The following CSPG4 variants were observed in gnomAD, a reference collection of about 807,000 sequenced individuals.
The protein encoded by CSPG4 is chondroitin sulfate proteoglycan 4 (melanoma-associated).
CSPG4 carries 74 observed loss-of-function variants against 139.3 expected under a neutral mutation model. The observed-to-expected ratio is 0.53, with a 90% CI of 0.44 to 0.64. The LOEUF (loss-of-function observed/expected upper bound fraction) is 0.64. Ranked by LOEUF, CSPG4 falls within the 30% of genes least tolerant of loss-of-function variation. The probability of loss-of-function intolerance (pLI) is 0.00; values close to 1 mark genes in which losing one functional copy is unlikely to be tolerated. For synonymous variants in CSPG4, 1,234 were observed against 1,394.2 expected (o/e 0.89, Z 2.56); for missense variants, 2,565 against 3,148.3 (o/e 0.81, Z 4.43).
chr15:75,712,540 T>C, intron 1 of CSPG4, 128 bp downstream of exon 1: 2 of 869,632 alleles, frequency 2.3e-6, no homozygotes, highest in South Asian at 3.1e-5. Flanking sequence ...CAGCTAGTGG[T>C]GGGAGAAGCG....
chr15:75,682,693 G>T lies in CSPG4; in HGVS notation c.4697C>A (p.Thr1566Asn). Residue 1566 changes from threonine to asparagine, a missense_variant, in exon 7 of 10, where the codon ACT becomes AAT. Thr to Asn is a moderately conservative substitution (Grantham distance 65). Transcript: ENST00000308508. ...FRFRLSDGEHTSPGHFFRVTA... is the reference protein window; with the variant it reads ...FRFRLSDGEHNSPGHFFRVTA... ...CACTCGGAAGAAGTGTCCGGGGGAA[G>T]TGTGCTCGCCGTCAGAGAGGCGGAA... The T allele has an allele frequency of 6.2e-7, 1 of 1,613,070 alleles. No homozygotes were observed. The highest frequency in any genetic ancestry group is 8.5e-7 in the Non-Finnish European group (1 of 1,180,026).
In CSPG4 at chr15:75,688,522, G is replaced by A; in HGVS notation, c.2543C>T (p.Thr848Ile). ...GTRLSDGQGF[T>I]QDDIQAGRVT... is the part of the protein sequence containing the mutation. ...CCGGCCAGCCTGTATGTCATCCTGG[G>A]TGAAGCCCTGGCCATCTGACAGCCT... The change falls in exon 3 of 10, where the codon ACC becomes ATC. Residue 848 changes from threonine to isoleucine, a missense_variant. Coordinates refer to ENST00000308508, the MANE Select transcript of CSPG4 (RefSeq NM_001897.5). 6.2e-7 allele frequency: 1 copy of A among 1,613,248 alleles called. No individual in the cohort carries two copies. Among genetic ancestry groups the A allele is most frequent in the African/African-American group, 1.3e-5 (1 of 75,072 alleles).
chr15:75,689,351 G>A lies in CSPG4; in HGVS notation c.1714C>T (p.Pro572Ser). The change falls in exon 3 of 10, where the codon CCG becomes TCG. Residue 572 changes from proline (P) to serine (S), a missense_variant. Around this residue, in one of 5 missense-constraint regions of CSPG4, gnomAD observed 2,316 missense variants for 2,818.2 expected, o/e 0.82. Coordinates refer to ENST00000308508, the MANE Select transcript of CSPG4 (RefSeq NM_001897.5). ...GCCTGGAAAACCTCAGGCCCCAGCG[G>A]CTTCTGCGTGTGTTCCAGGATCACC... The part of the protein sequence containing the change: ...LMVILEHTQK[P>S]LGPEVFQAYD... The A allele has an allele frequency of 3.1e-6, 5 of 1,611,834 alleles. No homozygotes were observed. Among genetic ancestry groups the A allele is most frequent in the East Asian group, 2.2e-5 (1 of 44,886 alleles).
chr15:75,712,611 C>A, intron 1 of CSPG4, 57 bp downstream of exon 1: 1 of 1,495,234 alleles, frequency 6.7e-7, no homozygotes, highest in Non-Finnish European at 9.1e-7. Flanking sequence ...TTTTCCCTCC[C>A]GGAGGAACCC....
chr15:75,708,812 A>G (rs1413378046), intron 1 of CSPG4, among the ~76,000 whole-genome samples: 1 of 152,192 alleles, frequency 6.6e-6, no homozygotes, highest in Non-Finnish European at 1.5e-5. Flanking sequence ...GGCTTGCTTG[A>G]GCCCAGGAGT....
chr15:75,705,405 G>A (rs947760657), intron 1 of CSPG4, among the ~76,000 whole-genome samples: 2 of 152,192 alleles, frequency 1.3e-5, no homozygotes, highest in African/African-American at 4.8e-5. Context: ...CCATGTTGCC[G>A]GGCCACTCCA....
intron 1 of CSPG4, among the ~76,000 whole-genome samples, chr15:75,694,792 C>T (rs1439761317): frequency 6.6e-6 from 1 of 152,256 alleles, no homozygotes; most frequent in Non-Finnish European, 1.5e-5. Flanking sequence ...CGGGGGCGGC[C>T]CAGCTGGTTC....
In CSPG4 at chr15:75,682,354, C is replaced by CTT. The variant is rs1893985323; in HGVS notation, c.4888_4889insAA (p.Arg1630GlnfsTer16). 1.9e-6 allele frequency: 3 copies of CTT among 1,596,664 alleles called. No homozygotes were observed. The highest frequency in any genetic ancestry group is 2.5e-6 in the Non-Finnish European group (3 of 1,179,934). ...GCTGTCCTGCTGGGCGTGGAACAGC[C>CTT]GGCCTAGCTGGGGGCCCCGCACCAC... is the stretch of plus-strand genomic sequence containing the variant. On this transcript the variant is annotated frameshift_variant, in exon 8 of 10. Coordinates refer to ENST00000308508, the MANE Select transcript of CSPG4 (RefSeq NM_001897.5). LOFTEE classifies it high-confidence loss of function.
chr15:75,681,655 A>G (rs1354470347), intron 8 of CSPG4, among the ~76,000 whole-genome samples: 1 of 152,206 alleles, frequency 6.6e-6, no homozygotes, highest in East Asian at 1.9e-4. Context: ...AGTGGTGTTC[A>G]TTTAAGTGAT....
Position 75,677,773 on chromosome 15 carries a change from G to A in CSPG4, c.5064C>T (p.Ala1688=). 6.2e-7 allele frequency: 1 copy of A among 1,611,416 alleles called. No homozygotes were observed. The highest frequency in any genetic ancestry group is 8.5e-7 in the Non-Finnish European group (1 of 1,178,924). The change falls in exon 9 of 10, where the codon GCC becomes GCT. Residue 1688 remains alanine (A), a synonymous_variant. Coordinates refer to ENST00000308508, the MANE Select transcript of CSPG4 (RefSeq NM_001897.5). ...LSSPPARDVA[A]TLAVAVSFEA... ...CAAAAGACACAGCCACAGCAAGGGT[G>A]GCGGCCACGTCCCGGGCAGGCGGCG...
chr15:75,676,817 G>A lies in CSPG4; in HGVS notation c.5702C>T (p.Ser1901Leu), dbSNP rs1200217225. The A allele has an allele frequency of 1.6e-5, 24 of 1,546,848 alleles. No individual in the cohort carries two copies. Among genetic ancestry groups the A allele is most frequent in the Non-Finnish European group, 1.7e-5 (20 of 1,146,040 alleles). ...VTRFTQADVDSGRLAFVANGS... is the reference protein window; with the variant it reads ...VTRFTQADVDLGRLAFVANGS... ...GTTGGCCACGAAGGCCAGCCGCCCT[G>A]AATCCACATCGGCTTGCGTGAAGCG... The change falls in exon 10 of 10, where the codon TCA becomes TTA. Residue 1901 changes from serine (S) to leucine (L), a missense_variant. Physicochemically the swap from Ser to Leu is moderately radical, Grantham distance 145. Coordinates refer to ENST00000308508, the MANE Select transcript of CSPG4 (RefSeq NM_001897.5).
In CSPG4 at chr15:75,689,249, G is replaced by T. The variant is rs1356410033; in HGVS notation, c.1816C>A (p.Arg606=). ...GTCGCCGGCTCCCCAGGCTGGTCTC[G>T]GCGCTCCACGGGGAGGCCAGAGGAG... is the stretch of plus-strand genomic sequence containing the variant. ...GTSSGLPVER[R]DQPGEPATEF... The change falls in exon 3 of 10, where the codon CGA becomes AGA. Residue 606 remains arginine, a synonymous_variant. Coordinates refer to ENST00000308508, the MANE Select transcript of CSPG4 (RefSeq NM_001897.5). 1 of 1,610,470 alleles carries T rather than the reference G, an allele frequency of 6.2e-7. No homozygotes were observed. The highest frequency in any genetic ancestry group is 8.5e-7 in the Non-Finnish European group (1 of 1,179,638).
chr15:75,681,606 C>T (rs1893974468), intron 8 of CSPG4, among the ~76,000 whole-genome samples: 1 of 152,238 alleles, frequency 6.6e-6, no homozygotes, highest in Admixed American at 6.5e-5. Flanking sequence ...CTGCCCCGCT[C>T]TGCCCTGCTA....
In CSPG4 at chr15:75,688,159, C is replaced by A; in HGVS notation, c.2906G>T (p.Arg969Leu). 6.2e-7 allele frequency: 1 copy of A among 1,612,786 alleles called. No individual in the cohort carries two copies. The highest frequency in any genetic ancestry group is 8.5e-7 in the Non-Finnish European group (1 of 1,179,836). ...SFTNEDLLRG[R>L]LVYQHDDSET... ...GGAGTCATCATGCTGGTAGACCAGC[C>A]GGCCACGCAACAGGTCTTCATTGGT... Residue 969 changes from arginine (R) to leucine (L), a missense_variant, in exon 3 of 10, where the codon CGG (arginine) becomes CTG (leucine). Around this residue, in one of 5 missense-constraint regions of CSPG4, gnomAD observed 2,316 missense variants for 2,818.2 expected, o/e 0.82. Transcript: ENST00000308508.
At chr15:75,699,475 G>A (rs902525692) in intron 1 of CSPG4, among the ~76,000 whole-genome samples, 5 of 152,224 alleles carry the variant, frequency 3.3e-5, no homozygotes, top group Non-Finnish European at 7.3e-5. Context: ...CCACGTAGAG[G>A]GGCATGTGCT....
At chr15:75,697,008 G>A (rs1023022848) in intron 1 of CSPG4, among the ~76,000 whole-genome samples, 2 of 152,224 alleles carry the variant, frequency 1.3e-5, no homozygotes, top group Admixed American at 1.3e-4. Context: ...CCAGGCTCCG[G>A]GGACAAGGAG....
chr15:75,704,686 C>G (rs1276101939), intron 1 of CSPG4, among the ~76,000 whole-genome samples: 1 of 152,190 alleles, frequency 6.6e-6, no homozygotes, highest in Non-Finnish European at 1.5e-5. Context: ...CCGAGCTGTG[C>G]ACCCCACTCT....
At chr15:75,680,854 G>T (rs374698759) in intron 8 of CSPG4, 1 of 153,070 alleles carries the variant, frequency 6.5e-6, no homozygotes, top group African/African-American at 2.4e-5. Flanking sequence ...ACCCAGTCCT[G>T]CCCTCCTCCC....
At chr15:75,681,098 T>A (rs1386669114) in intron 8 of CSPG4, among the ~76,000 whole-genome samples, 1 of 152,192 alleles carries the variant, frequency 6.6e-6, no homozygotes, top group Non-Finnish European at 1.5e-5. Flanking sequence ...ACGCAGCAGC[T>A]GCAGACACCA....
Sources: gnomAD v4.1 joint callset for allele counts (sites outside exome capture counted in the v4.1 genomes callset) on GRCh38, gnomAD v4.1.1 for gene constraint, gnomAD v4.1.1 regional missense constraint, MANE v1.5 for transcripts, NCBI Gene and HGNC (gene_info 2026-07-23, HGNC 2026-07-21) for gene names.